ANGPT2: variants seen among roughly 807,000 people sequenced by gnomAD.
The protein encoded by ANGPT2 is angiopoietin-2.
Under a neutral mutation model 62.9 loss-of-function variants are expected in ANGPT2, and 28 were observed. The observed-to-expected ratio is 0.44, with a 90% CI of 0.33 to 0.61. The LOEUF (loss-of-function observed/expected upper bound fraction) is 0.61, where lower values mean the gene tolerates loss of function less well. Ranked by LOEUF, ANGPT2 falls within the 20% of genes least tolerant of loss-of-function variation. The pLI, the probability that ANGPT2 is intolerant of heterozygous loss-of-function variation, is 0.03. For missense variants in ANGPT2, 727 were observed against 594.9 expected (o/e 1.22, Z -2.31); for synonymous variants, 284 against 207.8 (o/e 1.37, Z -3.15).
chr8:6,514,964 G>A (rs1815964804), intron 5 of ANGPT2, among the ~76,000 whole-genome samples, 186 bp from the exon 6 acceptor site: 1 of 152,188 alleles, frequency 6.6e-6, no homozygotes, highest in African/African-American at 2.4e-5. Context: ...TGAAAGTGAT[G>A]GATTAAAATG....
At position 6,500,100 on chromosome 8, in the gene ANGPT2, T is replaced by C. The variant is rs781078748; in HGVS notation, c.*3001A>G. ...TTATCAATTTATTCGCGAGAACAAA[T>C]GTGAGAACGTGAGACCATTGTGCAA... On this transcript the variant is annotated 3_prime_UTR_variant, in exon 9 of 9. Transcript: ENST00000629816. The C allele has an allele frequency of 1.7e-4, 107 of 641,282 alleles. No individual in the cohort carries two copies. The highest frequency in any genetic ancestry group is 2.7e-4 in the Non-Finnish European group (96 of 358,798). The allele number at this position is 641,282 out of a possible 1,614,324, so 39.7% of individuals were successfully genotyped here.
In ANGPT2 at chr8:6,562,722, G is replaced by A. The variant is rs764203431; in HGVS notation, c.213C>T (p.Leu71=). The change falls in exon 1 of 9, where the codon CTC becomes CTT. Residue 71 remains leucine, a synonymous_variant. Transcript: ENST00000629816. ...GCCTCTGCACCGAGTCATCGTATTCGAGCGGCGCGTCCCTCTGCACAGCAT... is the reference window on the plus strand; with the variant it reads ...GCCTCTGCACCGAGTCATCGTATTCAAGCGGCGCGTCCCTCTGCACAGCAT... The part of the protein sequence containing the change: ...VSNAVQRDAP[L]EYDDSVQRLQ... The A allele has an allele frequency of 2.5e-6, 4 of 1,613,436 alleles. No individual in the cohort carries two copies. Among genetic ancestry groups the A allele is most frequent in the Non-Finnish European group, 3.4e-6 (4 of 1,179,772 alleles).
At chr8:6,534,374 C>T (rs1017536001) in intron 1 of ANGPT2, among the ~76,000 whole-genome samples, 1 of 152,140 alleles carries the variant, frequency 6.6e-6, no homozygotes, top group Admixed American at 6.5e-5. Context: ...CCCTGTTTTA[C>T]GGAAGAGGCT....
chr8:6,530,256 C>T (rs1819216701), intron 2 of ANGPT2, among the ~76,000 whole-genome samples: 1 of 151,934 alleles, frequency 6.6e-6, no homozygotes, highest in South Asian at 2.1e-4. Context: ...GCCTGTGATC[C>T]CAGCAGTTTG....
intron 4 of ANGPT2, among the ~76,000 whole-genome samples, chr8:6,520,655 C>A (rs903720762): frequency 6.6e-6 from 1 of 152,200 alleles, no homozygotes; most frequent in Admixed American, 6.5e-5. Flanking sequence ...CTCAGCCTCC[C>A]AAAGTGCTGC....
intron 1 of ANGPT2, among the ~76,000 whole-genome samples, chr8:6,544,378 CT>C (rs1822159538): frequency 6.6e-6 from 1 of 152,224 alleles, no homozygotes; most frequent in Non-Finnish European, 1.5e-5. Context: ...AGACTGTGAA[CT>C]GCACATGGTG....
chr8:6,533,244 A>G (rs191841091), intron 1 of ANGPT2, among the ~76,000 whole-genome samples: 3 of 152,242 alleles, frequency 2.0e-5, no homozygotes, highest in African/African-American at 4.8e-5. Flanking sequence ...TAATTTTAGC[A>G]TTAACTGAAA....
intron 1 of ANGPT2, among the ~76,000 whole-genome samples, chr8:6,546,801 CT>C (rs1822661728): frequency 6.6e-6 from 1 of 152,158 alleles, no homozygotes; most frequent in Non-Finnish European, 1.5e-5. Flanking sequence ...CAAGTATTGC[CT>C]TTAATTGTAA....
chr8:6,554,004 C>T (rs1824146972), intron 1 of ANGPT2, among the ~76,000 whole-genome samples: 1 of 151,738 alleles, frequency 6.6e-6, no homozygotes, highest in African/African-American at 2.4e-5. Context: ...GAGACGAGCG[C>T]ACAACTCAGG....
rs1298247704 is a variant in ANGPT2, at chr8:6,503,075, A to T, written c.*26T>A. The T allele has an allele frequency of 4.3e-6, 7 of 1,613,544 alleles. No homozygotes were observed. Among genetic ancestry groups the T allele is most frequent in the Admixed American group, 1.7e-5 (1 of 59,990 alleles). On this transcript the variant is annotated 3_prime_UTR_variant, in exon 9 of 9. Transcript: ENST00000629816. ...CTTAAGTCTTTGAAAATAGTTCGAG[A>T]CAGTTCCTCAGGTGGACTGGGATGT...
At chr8:6,542,519 C>T (rs1315143007) in intron 1 of ANGPT2, among the ~76,000 whole-genome samples, 1 of 151,890 alleles carries the variant, frequency 6.6e-6, no homozygotes, top group African/African-American at 2.4e-5. Context: ...TAGCTGGTAG[C>T]AGAGTACTAA....
intron 8 of ANGPT2, among the ~76,000 whole-genome samples, chr8:6,506,501 G>C (rs753501166): frequency 6.6e-6 from 1 of 152,136 alleles, no homozygotes; most frequent in South Asian, 2.1e-4. Flanking sequence ...GCACATACGG[G>C]TGGTCTAATA....
chr8:6,510,964 A>G (rs1814956417), intron 7 of ANGPT2, among the ~76,000 whole-genome samples: 1 of 152,112 alleles, frequency 6.6e-6, no homozygotes, highest in South Asian at 2.1e-4. Context: ...ATAAATACTC[A>G]TCTCTGTTGG....
intron 1 of ANGPT2, 53 bp from the exon 2 acceptor site, chr8:6,532,540 G>T: frequency 5.2e-6 from 7 of 1,356,798 alleles, no homozygotes; most frequent in Non-Finnish European, 5.9e-6. Flanking sequence ...CCGGAAACCT[G>T]ATTCCTAAAT....
intron 7 of ANGPT2, among the ~76,000 whole-genome samples, chr8:6,511,702 C>T (rs936746871): frequency 9.2e-5 from 14 of 152,178 alleles, no homozygotes; most frequent in Non-Finnish European, 5.9e-5. Flanking sequence ...TTTTATCTTG[C>T]CAAGCAAATT....
chr8:6,526,937 T>A (rs1358455455), intron 3 of ANGPT2, among the ~76,000 whole-genome samples: 9 of 152,160 alleles, frequency 5.9e-5, no homozygotes, highest in Non-Finnish European at 1.3e-4. Flanking sequence ...AATATTAATA[T>A]AATCATGTTT....
intron 7 of ANGPT2, among the ~76,000 whole-genome samples, chr8:6,509,825 C>G (rs1232394720): frequency 6.6e-6 from 1 of 152,200 alleles, no homozygotes; most frequent in Non-Finnish European, 1.5e-5. Flanking sequence ...AGCCCACAGT[C>G]AGACAGAGCC....
At chr8:6,536,064 G>GA (rs1028505297) in intron 1 of ANGPT2, among the ~76,000 whole-genome samples, 11 of 151,654 alleles carry the variant, frequency 7.3e-5, no homozygotes, top group South Asian at 2.1e-4. Flanking sequence ...CTCAAAAAAA[G>GA]AAAAAAATTA....
intron 3 of ANGPT2, 128 bp from the exon 4 acceptor site, chr8:6,521,538 C>G: frequency 4.3e-6 from 3 of 694,492 alleles, no homozygotes; most frequent in Non-Finnish European, 7.0e-6. Context: ...TATGATGTTA[C>G]CAGAGCCCTA....
Sources: allele counts gnomAD v4.1 joint callset (sites outside exome capture counted in the v4.1 genomes callset), GRCh38; gene constraint gnomAD v4.1.1; transcripts MANE v1.5; gene names NCBI Gene and HGNC (gene_info 2026-07-23, HGNC 2026-07-21).